Variants in TAFA1 observed in about 807,000 individuals in gnomAD.
TAFA1 encodes chemokine-like protein TAFA-1.
In TAFA1, 4 loss-of-function variants were observed where a neutral mutation model predicts 18.5. The observed-to-expected ratio is 0.22, with a 90% confidence interval of 0.11 to 0.49. TAFA1 has a LOEUF of 0.49. Among genes scored for constraint, TAFA1 ranks in the 20% least tolerant of loss-of-function variants. The pLI, the probability that TAFA1 is intolerant of heterozygous loss-of-function variation, is 0.98. For synonymous variants in TAFA1, 56 were observed against 55.2 expected (o/e 1.01, Z -0.06); for missense variants, 147 against 169.0 (o/e 0.87, Z 0.72).
intron 2 of TAFA1, among the ~76,000 whole-genome samples, chr3:68,160,413 A>G (rs1000123666): frequency 1.3e-5 from 2 of 152,232 alleles, no homozygotes; most frequent in African/African-American, 2.4e-5. Context: ...GGCTTTAGCA[A>G]GAGGGCCTTA....
intron 2 of TAFA1, among the ~76,000 whole-genome samples, chr3:68,034,129 A>C (rs1704995670): frequency 6.6e-6 from 1 of 152,168 alleles, no homozygotes; most frequent in African/African-American, 2.4e-5. Flanking sequence ...AGTGTCCATG[A>C]CCTAAATTAT....
intron 2 of TAFA1, among the ~76,000 whole-genome samples, chr3:68,140,886 A>G (rs980037373): frequency 2.6e-5 from 4 of 152,178 alleles, no homozygotes; most frequent in Non-Finnish European, 5.9e-5. Context: ...GCTGCTTCCT[A>G]TCATTCACTC....
intron 2 of TAFA1, among the ~76,000 whole-genome samples, chr3:68,284,856 G>A (rs542227126): frequency 6.6e-6 from 1 of 152,266 alleles, no homozygotes; most frequent in South Asian, 2.1e-4. Flanking sequence ...GAGGATTGCT[G>A]AAGCCCAGTT....
chr3:68,193,100 T>A (rs1575671590), intron 2 of TAFA1, among the ~76,000 whole-genome samples: 1 of 151,724 alleles, frequency 6.6e-6, no homozygotes, highest in African/African-American at 2.4e-5. Context: ...GTTTTAAGTA[T>A]GAGGAATTAG....
chr3:68,410,705 CAAAAAAAAAAAAA>C (rs34714719), intron 2 of TAFA1, among the ~76,000 whole-genome samples: 5 of 36,660 alleles, frequency 1.4e-4, no homozygotes, highest in African/African-American at 1.9e-4. Context: ...TTTCCATAAG[CAAAAAAAAAAAAA>C]AAAAAAAAAA....
intron 2 of TAFA1, among the ~76,000 whole-genome samples, chr3:68,316,832 T>G (rs1157698431): frequency 6.6e-6 from 1 of 152,202 alleles, no homozygotes; most frequent in Non-Finnish European, 1.5e-5. Context: ...TGGTTACTTC[T>G]TGGTCTACTT....
At chr3:68,451,785 G>C (rs1220997233) in intron 3 of TAFA1, among the ~76,000 whole-genome samples, 4 of 152,196 alleles carry the variant, frequency 2.6e-5, no homozygotes, top group Non-Finnish European at 5.9e-5. Flanking sequence ...AGAGTTGTGC[G>C]GGCTGGAGGG....
chr3:68,349,805 A>C (rs1559628658), intron 2 of TAFA1, among the ~76,000 whole-genome samples: 1 of 152,110 alleles, frequency 6.6e-6, no homozygotes. Flanking sequence ...TGAACATCTG[A>C]TCTAGATTAT....
At chr3:68,084,828 A>C (rs1335794667) in intron 2 of TAFA1, among the ~76,000 whole-genome samples, 2 of 151,774 alleles carry the variant, frequency 1.3e-5, no homozygotes, top group African/African-American at 4.8e-5. Context: ...AAAACCAAAT[A>C]ACAAAAAGTA....
chr3:68,221,756 G>C (rs929381478), intron 2 of TAFA1, among the ~76,000 whole-genome samples: 6 of 152,192 alleles, frequency 3.9e-5, no homozygotes, highest in African/African-American at 1.4e-4. Context: ...AATGTACTGT[G>C]GGGGAGATTC....
intron 2 of TAFA1, among the ~76,000 whole-genome samples, chr3:68,073,186 G>C (rs1348668654): frequency 6.6e-6 from 1 of 152,060 alleles, no homozygotes; most frequent in Non-Finnish European, 1.5e-5. Flanking sequence ...TGTTTTTTTG[G>C]GTTTCTTGGA....
At chr3:68,523,158 A>G (rs78284419) in intron 3 of TAFA1, among the ~76,000 whole-genome samples, 5,767 of 152,328 alleles carry the variant, frequency 0.038, 151 homozygotes, top group Non-Finnish European at 0.062. Flanking sequence ...CAGGGATGAT[A>G]GGGAGTGGCA....
chr3:68,398,694 T>G (rs2070431589), intron 2 of TAFA1, among the ~76,000 whole-genome samples: 1 of 152,208 alleles, frequency 6.6e-6, no homozygotes, highest in Non-Finnish European at 1.5e-5. Flanking sequence ...TTCCTTGATG[T>G]TATTTCATTA....
intron 3 of TAFA1, among the ~76,000 whole-genome samples, chr3:68,509,252 GTTAA>G (rs1200894229): frequency 1.3e-5 from 2 of 152,112 alleles, no homozygotes; most frequent in East Asian, 3.9e-4. Context: ...AATGTATCAA[GTTAA>G]TTAATGAAAT....
chr3:68,519,796 A>C (rs1005499258), intron 3 of TAFA1, among the ~76,000 whole-genome samples: 2 of 152,136 alleles, frequency 1.3e-5, no homozygotes, highest in Admixed American at 6.5e-5. Flanking sequence ...TGAGGGCTCC[A>C]CTTTCATGAC....
intron 3 of TAFA1, among the ~76,000 whole-genome samples, chr3:68,424,170 T>C (rs916610563): frequency 2.6e-5 from 4 of 152,086 alleles, no homozygotes; most frequent in African/African-American, 9.7e-5. Context: ...AACATTTTGC[T>C]CCTGGCTCAT....
chr3:68,152,381 T>C lies in TAFA1; in HGVS notation c.118+145637T>C, dbSNP rs568415322. Among the ~76,000 whole-genome samples, 85 of 152,294 alleles carry C rather than the reference T, an allele frequency of 5.6e-4. 1 individual carries two copies. The highest frequency in any genetic ancestry group is 3.5e-3 in the South Asian group (17 of 4,828). On this transcript the variant is annotated intron_variant, in intron 2 of 4. Transcript: ENST00000478136. ...ATAATTTTTAGTCATGTAAAAAGCTTATGACTTTTTGACAAGTTCCATAAG... is the reference window on the plus strand; with the variant it reads ...ATAATTTTTAGTCATGTAAAAAGCTCATGACTTTTTGACAAGTTCCATAAG...
At chr3:68,526,099 G>A (rs566182001) in intron 3 of TAFA1, among the ~76,000 whole-genome samples, 67 of 152,266 alleles carry the variant, frequency 4.4e-4, no homozygotes, top group African/African-American at 1.5e-3. Context: ...TTCTCTCCTA[G>A]TTGGTATCAA....
intron 2 of TAFA1, among the ~76,000 whole-genome samples, chr3:68,371,362 T>C (rs1335017198): frequency 6.6e-6 from 1 of 152,164 alleles, no homozygotes; most frequent in Non-Finnish European, 1.5e-5. Flanking sequence ...TTTGTCCTAA[T>C]GCTCTCTCTC....
Sources: gnomAD v4.1 joint callset for allele counts (sites outside exome capture counted in the v4.1 genomes callset) on GRCh38, gnomAD v4.1.1 for gene constraint, MANE v1.5 for transcripts, NCBI Gene and HGNC (gene_info 2026-07-23, HGNC 2026-07-21) for gene names.